The following KCTD8 variants were observed in gnomAD, a reference collection of about 807,000 sequenced individuals.
KCTD8 encodes the protein potassium channel tetramerization domain containing 8.
In KCTD8, 27 loss-of-function variants were observed where a neutral mutation model predicts 31.5. That is an observed-to-expected ratio of 0.86 (90% CI 0.63 to 1.18). KCTD8 has a LOEUF of 1.18. Ranked by LOEUF, KCTD8 falls within the 50% of genes most tolerant of loss-of-function variation. KCTD8 has a pLI of 0.00. For missense variants in KCTD8, 658 were observed against 647.7 expected, an observed-to-expected ratio of 1.02 and a Z score of -0.17; for synonymous variants, 290 against 280.0, an observed-to-expected ratio of 1.04 and a Z score of -0.36.
At chr4:44,229,510 G>T (rs1715057311) in intron 1 of KCTD8, among the ~76,000 whole-genome samples, 1 of 152,186 alleles carries the variant, frequency 6.6e-6, no homozygotes, top group Admixed American at 6.5e-5. Flanking sequence ...CAAGGGTAAG[G>T]AGGGCACTGC....
chr4:44,186,654 C>T (rs1713598701), intron 1 of KCTD8, among the ~76,000 whole-genome samples: 1 of 152,208 alleles, frequency 6.6e-6, no homozygotes, highest in South Asian at 2.1e-4. Flanking sequence ...TGCGTCCTCC[C>T]CCTAGGGGTT....
chr4:44,267,251 C>T (rs1044633830), intron 1 of KCTD8, among the ~76,000 whole-genome samples: 8 of 152,110 alleles, frequency 5.3e-5, no homozygotes, highest in South Asian at 2.1e-4. Flanking sequence ...CACTCAAAAC[C>T]GCTGAACTAC....
At chr4:44,305,222 TACATTAAAATAC>T (rs1717765717) in intron 1 of KCTD8, among the ~76,000 whole-genome samples, 2 of 151,458 alleles carry the variant, frequency 1.3e-5, no homozygotes, top group African/African-American at 2.4e-5. Flanking sequence ...AAAGTAAATA[TACATTAAAATAC>T]GTGATAGATA....
chr4:44,231,370 T>C (rs1452394189), intron 1 of KCTD8, among the ~76,000 whole-genome samples: 1 of 152,218 alleles, frequency 6.6e-6, no homozygotes, highest in Non-Finnish European at 1.5e-5. Context: ...GAAATAATGT[T>C]GATGCAAAGC....
chr4:44,205,762 GT>G (rs1714286503), intron 1 of KCTD8, among the ~76,000 whole-genome samples: 1 of 152,156 alleles, frequency 6.6e-6, no homozygotes, highest in Admixed American at 6.5e-5. Flanking sequence ...AATGTCACAT[GT>G]TTTTGTGATA....
At chr4:44,340,758 A>G (rs1448121850) in intron 1 of KCTD8, among the ~76,000 whole-genome samples, 1 of 152,156 alleles carries the variant, frequency 6.6e-6, no homozygotes, top group African/African-American at 2.4e-5. Flanking sequence ...AGCATATACT[A>G]TATGATTCCA....
chr4:44,209,506 A>G (rs113261735), intron 1 of KCTD8, among the ~76,000 whole-genome samples: 3 of 151,584 alleles, frequency 2.0e-5, no homozygotes, highest in Non-Finnish European at 4.4e-5. Flanking sequence ...ATACACACAC[A>G]CACACACTCT....
Position 44,174,797 on chromosome 4 carries a change from C to T in KCTD8, c.1415G>A (p.Gly472Glu). 6.2e-7 allele frequency: 1 copy of T among 1,600,766 alleles called. No homozygotes were observed. The highest frequency in any genetic ancestry group is 1.3e-5 in the African/African-American group (1 of 74,530). Residue 472 changes from glycine to glutamate, a missense_variant, in exon 2 of 2, where the codon GGG (glycine) becomes GAG (glutamate). Coordinates refer to ENST00000360029, the MANE Select transcript of KCTD8 (RefSeq NM_198353.3). ...QWQSELLQKY[G>E]L ...GCAGGAATGTGACAATTACTATAAC[C>T]CATACTTCTGCAACAGTTCAGATTG...
At position 44,447,630 on chromosome 4, in the gene KCTD8, G is replaced by A. The variant is rs117297857; in HGVS notation, c.894C>T (p.Thr298=). The A allele has an allele frequency of 1.0e-3, 1,610 of 1,606,932 alleles. 20 individuals are homozygous for A. The East Asian group carries it at 0.033, about 33-fold the overall frequency. The stretch of plus-strand genomic sequence containing the variant: ...CGCGGTACTGGTTGACGAAGGCGGC[G>A]GTGCCCGAGGAGTTACACGCCACCA... ...FHMVACNSSG[T]AAFVNQYRDD... is the part of the protein sequence containing the mutation. Residue 298 remains threonine, a synonymous_variant, in exon 1 of 2, where the codon ACC becomes ACT. Coordinates refer to ENST00000360029, the MANE Select transcript of KCTD8 (RefSeq NM_198353.3).
intron 1 of KCTD8, among the ~76,000 whole-genome samples, chr4:44,308,819 T>A (rs1442905063): frequency 1.3e-5 from 2 of 152,050 alleles, no homozygotes; most frequent in African/African-American, 4.8e-5. Flanking sequence ...AAAACACATA[T>A]TGAATCACTG....
intron 1 of KCTD8, among the ~76,000 whole-genome samples, chr4:44,179,722 A>G (rs918648748): frequency 6.6e-6 from 1 of 151,830 alleles, no homozygotes; most frequent in African/African-American, 2.4e-5. Context: ...ATTAGGGATC[A>G]CTAATAGTCT....
At chr4:44,328,699 A>T (rs1718517574) in intron 1 of KCTD8, among the ~76,000 whole-genome samples, 1 of 151,984 alleles carries the variant, frequency 6.6e-6, no homozygotes, top group South Asian at 2.1e-4. Flanking sequence ...TTAAGCTTTG[A>T]CAAATAATAA....
chr4:44,198,343 G>A lies in KCTD8; in HGVS notation c.962-23093C>T, dbSNP rs1714011588. On this transcript the variant is annotated intron_variant, in intron 1 of 1. Coordinates refer to ENST00000360029, the MANE Select transcript of KCTD8 (RefSeq NM_198353.3). ...ACTATACAAGGTGACCATCCCTATA[G>A]CATATAGTCATCAGACTCACTAAGA... 2.6e-5 allele frequency among the ~76,000 whole-genome samples: 4 copies of A among 152,076 alleles called. No individual in the cohort carries two copies. In the South Asian group the frequency reaches 6.2e-4, roughly 24 times the overall value.
At chr4:44,268,323 G>C (rs914575652) in intron 1 of KCTD8, among the ~76,000 whole-genome samples, 14 of 151,894 alleles carry the variant, frequency 9.2e-5, no homozygotes, top group African/African-American at 3.4e-4. Flanking sequence ...TGCAGAAAAG[G>C]CCTTTGACAA....
chr4:44,446,021 A>G lies in KCTD8; in HGVS notation c.961+1542T>C, dbSNP rs539611290. Among the ~76,000 whole-genome samples the G allele has an allele frequency of 2.6e-5, 4 of 152,338 alleles. No individual in the cohort carries two copies. The East Asian group carries it at 7.7e-4, about 29-fold the overall frequency. ...AGTAATACTTTGATATAATTAAGACAGTTTTTTAGCTTCCAATTCAGTGGA... is the reference window on the plus strand; with the variant it reads ...AGTAATACTTTGATATAATTAAGACGGTTTTTTAGCTTCCAATTCAGTGGA... On this transcript the variant is annotated intron_variant, in intron 1 of 1. Transcript: ENST00000360029.
At chr4:44,229,552 C>A (rs1000962242) in intron 1 of KCTD8, among the ~76,000 whole-genome samples, 3 of 152,152 alleles carry the variant, frequency 2.0e-5, no homozygotes, top group Non-Finnish European at 4.4e-5. Flanking sequence ...AGGAAAGAAT[C>A]ATGGGAAAGG....
At chr4:44,314,518 A>C (rs1718052311) in intron 1 of KCTD8, among the ~76,000 whole-genome samples, 1 of 152,160 alleles carries the variant, frequency 6.6e-6, no homozygotes, top group South Asian at 2.1e-4. Flanking sequence ...TTATACTATG[A>C]TCCAAGCAAT....
chr4:44,400,668 G>T (rs1259850444), intron 1 of KCTD8, among the ~76,000 whole-genome samples: 2 of 148,312 alleles, frequency 1.3e-5, no homozygotes, highest in Non-Finnish European at 3.0e-5. Context: ...GGTGGAGGTT[G>T]CAGTGAGCTG....
chr4:44,301,986 A>G (rs62304840), intron 1 of KCTD8, among the ~76,000 whole-genome samples: 35,146 of 152,048 alleles, frequency 0.23, 4,814 homozygotes, highest in Non-Finnish European at 0.31. Flanking sequence ...TCCTTTCCCC[A>G]TTGCTTGTTT....
Sources: gnomAD v4.1 joint callset for allele counts (sites outside exome capture counted in the v4.1 genomes callset) on GRCh38, gnomAD v4.1.1 for gene constraint, MANE v1.5 for transcripts, NCBI Gene and HGNC (gene_info 2026-07-23, HGNC 2026-07-21) for gene names.